PMEL: variants seen among roughly 807,000 people sequenced by gnomAD.
PMEL encodes the protein premelanosome protein.
PMEL carries 53 observed loss-of-function variants against 64.9 expected under a neutral mutation model. The ratio of observed to expected loss-of-function variants is 0.82; its 90% CI spans 0.66 to 1.03. The LOEUF (loss-of-function observed/expected upper bound fraction) is 1.03, where lower values mean the gene tolerates loss of function less well. Ranked by LOEUF, PMEL falls within the 50% of genes least tolerant of loss-of-function variation. PMEL has a pLI of 0.00. For missense variants in PMEL, 716 were observed against 814.9 expected (o/e 0.88, Z 1.48); for synonymous variants, 299 against 316.2 (o/e 0.95, Z 0.58).
chr12:55,956,797 G>A, intron 6 of PMEL, 152 bp downstream of exon 6: 1 of 751,346 alleles, frequency 1.3e-6, no homozygotes, highest in Non-Finnish European at 2.2e-6. Flanking sequence ...CATTAAGAGA[G>A]ACTGGAGGGC....
intron 3 of PMEL, among the ~76,000 whole-genome samples, chr12:55,959,825 A>G (rs548298450): frequency 1.1e-4 from 17 of 151,522 alleles, no homozygotes; most frequent in African/African-American, 4.1e-4. Flanking sequence ...ACATAAATAA[A>G]TAACAGCACT....
chr12:55,956,369 C>T (rs1888886648), intron 6 of PMEL, 150 bp from the exon 7 acceptor site: 1 of 598,764 alleles, frequency 1.7e-6, no homozygotes, highest in Non-Finnish European at 3.0e-6. Flanking sequence ...AAACCTTATT[C>T]TATAGATAAG....
At position 55,955,591 on chromosome 12, in the gene PMEL, T is replaced by A; in HGVS notation, c.1635A>T (p.Leu545=). Residue 545 remains leucine (L), a synonymous_variant, in exon 9 of 11, where the codon CTA becomes CTT. Coordinates refer to ENST00000548747, the MANE Select transcript of PMEL (RefSeq NM_001384361.1). ...PPAQRLCQPV[L]PSPACQLVLH... is the part of the protein sequence containing the mutation. Reference sequence around the variant, plus strand: ...GAACCAGCTGGCAGGCTGGGCTGGGTAGCACAGGCTGGCACAGCCGCTGGG... The same window carrying A: ...GAACCAGCTGGCAGGCTGGGCTGGGAAGCACAGGCTGGCACAGCCGCTGGG... 2 of 1,613,920 alleles carry A rather than the reference T, an allele frequency of 1.2e-6. No individual in the cohort carries two copies. The highest frequency in any genetic ancestry group is 1.7e-6 in the Non-Finnish European group (2 of 1,179,998).
At chr12:55,966,589 A>G, upstream of PMEL, 1 of 754,580 alleles carries the variant, frequency 1.3e-6, no homozygotes, top group Non-Finnish European at 1.7e-6. Context: ...CATAGGTAGG[A>G]AACTTGGACC....
intron 7 of PMEL, 78 bp from the exon 8 acceptor site, chr12:55,955,941 G>A (rs868319321): frequency 7.6e-7 from 1 of 1,323,054 alleles, no homozygotes; most frequent in Admixed American, 1.7e-5. Flanking sequence ...AAAGCCCCAG[G>A]GCTGCTCCAC....
At chr12:55,961,184 GAC>G (rs1378203135) in intron 3 of PMEL, 131 bp downstream of exon 3, 1 of 787,268 alleles carries the variant, frequency 1.3e-6, no homozygotes, top group Non-Finnish European at 2.0e-6. Flanking sequence ...CAGCCTGGGC[GAC>G]AGAGCGAGAC....
At chr12:55,961,021 G>C (rs1024655787) in intron 3 of PMEL, among the ~76,000 whole-genome samples, 29 of 150,720 alleles carry the variant, frequency 1.9e-4, no homozygotes, top group Non-Finnish European at 3.3e-4. Flanking sequence ...GGCTAACACG[G>C]TGAAACCCTG....
At chr12:55,958,410 G>C in intron 4 of PMEL, 63 bp downstream of exon 4, 1 of 1,523,512 alleles carries the variant, frequency 6.6e-7, no homozygotes, top group South Asian at 1.2e-5. Context: ...CCAAAAGAAA[G>C]GTGATCAGGT....
chr12:55,965,841 T>C (rs1335884590), intron 1 of PMEL, 95 bp downstream of exon 1: 10 of 1,462,998 alleles, frequency 6.8e-6, no homozygotes. Flanking sequence ...ACGCCTGAAA[T>C]ATTGCCGCTA....
intron 10 of PMEL, 98 bp from the exon 11 acceptor site, chr12:55,954,447 T>G (rs1390260650): frequency 1.0e-5 from 13 of 1,296,828 alleles, no homozygotes; most frequent in Non-Finnish European, 1.4e-5. Flanking sequence ...CCAGTCTGCT[T>G]AGCCTTGATC....
At chr12:55,960,222 A>G (rs546947392) in intron 3 of PMEL, among the ~76,000 whole-genome samples, 3 of 146,202 alleles carry the variant, frequency 2.1e-5, no homozygotes, top group Admixed American at 6.7e-5. Flanking sequence ...AAAAAAAAAA[A>G]AAAGAAAAGA....
In PMEL at chr12:55,957,436, C is replaced by T; in HGVS notation, c.867G>A (p.Gln289=). 1 of 1,612,292 alleles carries T rather than the reference C, an allele frequency of 6.2e-7. No individual in the cohort carries two copies. Among genetic ancestry groups the T allele is most frequent in the African/African-American group, 1.3e-5 (1 of 74,968 alleles). Residue 289 remains glutamine, a synonymous_variant, in exon 6 of 11, where the codon CAG becomes CAA. Transcript: ENST00000548747. ...TYLEPGPVTA[Q]VVLQAAIPLT... is the part of the protein sequence containing the mutation. ...GAGGAATGGCAGCCTGCAGGACCAC[C>T]TGGGCAGTGACTGGGCCAGGCTCCA...
Position 55,957,591 on chromosome 12 carries a change from G to C in PMEL, c.712C>G (p.Leu238Val). Residue 238 changes from leucine to valine, a missense_variant, in exon 6 of 11, where the codon CTG (leucine) becomes GTG (valine). Leu to Val is a conservative substitution (Grantham distance 32, BLOSUM62 1). Coordinates refer to ENST00000548747, the MANE Select transcript of PMEL (RefSeq NM_001384361.1). ...GNKHFLRNQP[L>V]TFALQLHDPS... ...TCATGGAGCTGGAGGGCAAAGGTCAGAGGCTGATTTCTCAGGAAGTGCTTG... is the reference window on the plus strand; with the variant it reads ...TCATGGAGCTGGAGGGCAAAGGTCACAGGCTGATTTCTCAGGAAGTGCTTG... 1 of 1,613,848 alleles carries C rather than the reference G, an allele frequency of 6.2e-7. No individual in the cohort carries two copies. The highest frequency in any genetic ancestry group is 8.5e-7 in the Non-Finnish European group (1 of 1,179,964).
intron 3 of PMEL, among the ~76,000 whole-genome samples, chr12:55,960,045 A>C (rs1592770968): frequency 1.3e-5 from 2 of 151,896 alleles, no homozygotes; most frequent in South Asian, 4.2e-4. Flanking sequence ...CAAAAGAATT[A>C]GCCGGGCATG....
rs374561889 is a variant in PMEL at position 55,961,621 on chromosome 12, C to T, written c.187+1G>A. On this transcript the variant is annotated splice_donor_variant, in intron 2 of 10. Coordinates refer to ENST00000548747, the MANE Select transcript of PMEL (RefSeq NM_001384361.1). LOFTEE classifies it high-confidence loss of function. ...CTCCCCTGGAACTTCCAAGTTCCTA[C>T]CTCTCCAGCAGTCAAGTCTCTGGGC... 6.2e-7 allele frequency: 1 copy of T among 1,612,292 alleles called. No individual in the cohort carries two copies. Among genetic ancestry groups the T allele is most frequent in the African/African-American group, 1.3e-5 (1 of 74,872 alleles).
At chr12:55,965,011 T>C (rs1889240496) in intron 1 of PMEL, among the ~76,000 whole-genome samples, 1 of 148,062 alleles carries the variant, frequency 6.8e-6, no homozygotes, top group South Asian at 2.1e-4. Flanking sequence ...CACTGCAACC[T>C]CTGCCTTCTG....
In PMEL at chr12:55,957,303, C is replaced by G. The variant is rs138026870; in HGVS notation, c.1000G>C (p.Gly334Arg). The G allele has an allele frequency of 1.7e-5, 27 of 1,608,564 alleles. No individual in the cohort carries two copies. Among genetic ancestry groups the G allele is most frequent in the Non-Finnish European group, 1.7e-5 (20 of 1,176,274 alleles). The change falls in exon 6 of 11, where the codon GGT becomes CGT. Residue 334 changes from glycine to arginine, a missense_variant. Physicochemically the swap from Gly to Arg is moderately radical, Grantham distance 125 (BLOSUM62 -2). Coordinates refer to ENST00000548747, the MANE Select transcript of PMEL (RefSeq NM_001384361.1). ...AGQVPTTEVV[G>R]TTPGQAPTAE... is the part of the protein sequence containing the mutation. ...GTTGGCGCCTGACCAGGTGTAGTACCCACAACTTCTGTAGTAGGCACTTGG... is the reference window on the plus strand; with the variant it reads ...GTTGGCGCCTGACCAGGTGTAGTACGCACAACTTCTGTAGTAGGCACTTGG...
At position 55,955,353 on chromosome 12, in the gene PMEL, C is replaced by T; in HGVS notation, c.1771G>A (p.Ala591Thr). The T allele has an allele frequency of 6.2e-7, 1 of 1,614,210 alleles. No individual in the cohort carries two copies. Among genetic ancestry groups the T allele is most frequent in the Non-Finnish European group, 8.5e-7 (1 of 1,180,042 alleles). The part of the protein sequence containing the change: ...STQLIMPGQE[A>T]GLGQVPLIVG... ...ATCAGCGGAACCTGCCCAAGGCCTG[C>T]TTCTTGACCTGTGAGAAGAATCCCA... Residue 591 changes from alanine to threonine, a missense_variant, in exon 10 of 11, where the codon GCA becomes ACA. Coordinates refer to ENST00000548747, the MANE Select transcript of PMEL (RefSeq NM_001384361.1).
At position 55,958,077 on chromosome 12, in the gene PMEL, G is replaced by C; in HGVS notation, c.477C>G (p.Tyr159Ter). Residue 159 changes from tyrosine (Y) to a stop codon, truncating the protein, a stop_gained, in exon 5 of 11, where the codon TAC becomes TAG. Transcript: ENST00000548747. LOFTEE classifies it high-confidence loss of function. ...ACACTGGGCCCCCTAGAACTTGCCAGTATTGGCCTGAAGTTTTTGGAATGA... is the reference window on the plus strand; with the variant it reads ...ACACTGGGCCCCCTAGAACTTGCCACTATTGGCCTGAAGTTTTTGGAATGA... The part of the protein sequence containing the change: ...FVYVWKTWGQ[Y>*]WQVLGGPVSG... 2 of 1,613,964 alleles carry C rather than the reference G, an allele frequency of 1.2e-6. No homozygotes were observed. The highest frequency in any genetic ancestry group is 1.7e-6 in the Non-Finnish European group (2 of 1,179,922).
Sources: gnomAD v4.1 joint callset for allele counts (sites outside exome capture counted in the v4.1 genomes callset) on GRCh38, gnomAD v4.1.1 for gene constraint, MANE v1.5 for transcripts, NCBI Gene and HGNC (gene_info 2026-07-23, HGNC 2026-07-21) for gene names.